The following KCNQ1 variants were observed in gnomAD, a reference collection of about 807,000 sequenced individuals.
KCNQ1 encodes potassium voltage-gated channel subfamily Q member 1.
KCNQ1 carries 49 observed loss-of-function variants against 72.4 expected under a neutral mutation model. The ratio of observed to expected loss-of-function variants is 0.68; its 90% CI spans 0.54 to 0.86. The LOEUF is 0.86. KCNQ1 is among the 40% of genes least tolerant of loss of function. The pLI is 0.00. For synonymous variants in KCNQ1, 450 were observed against 412.6 expected, an observed-to-expected ratio of 1.09 and a Z score of -1.10; for missense variants, 790 against 945.1, an observed-to-expected ratio of 0.84 and a Z score of 2.15.
intron 1 of KCNQ1, among the ~76,000 whole-genome samples, chr11:2,499,784 A>T (rs1047484264): frequency 3.9e-5 from 6 of 152,198 alleles, no homozygotes; most frequent in African/African-American, 7.2e-5. Context: ...TCAAAGAAAC[A>T]TCTAACTTAA....
At chr11:2,555,048 G>T (rs1042317941) in intron 2 of KCNQ1, among the ~76,000 whole-genome samples, 1 of 152,120 alleles carries the variant, frequency 6.6e-6, no homozygotes, top group Non-Finnish European at 1.5e-5. Flanking sequence ...TTTAATAACC[G>T]CAGGCCTTCC....
At position 2,664,090 on chromosome 11, in the gene KCNQ1, G is replaced by T; in HGVS notation, c.1514+2009G>T. On this transcript the variant is annotated intron_variant, in intron 11 of 15. Coordinates refer to ENST00000155840, the MANE Select transcript of KCNQ1 (RefSeq NM_000218.3). The surrounding 1 kb of genome is among the most constrained non-coding windows in gnomAD (Gnocchi z 5.1). ...GATAAGTGGGCCCAGGCAGGTCAGA[G>T]ACTCCAGTCATTACCCAACCAGGTC... 1 of 398,766 alleles carries T rather than the reference G, an allele frequency of 2.5e-6. No individual in the cohort carries two copies. Among genetic ancestry groups the T allele is most frequent in the Non-Finnish European group, 4.4e-6 (1 of 226,164 alleles). 24.7% of individuals were successfully genotyped at this position (398,766 alleles called of 1,614,324 possible).
Position 2,740,486 on chromosome 11 carries a change from C to T in KCNQ1, c.1515-28358C>T, listed in dbSNP as rs117108235. On this transcript the variant is annotated intron_variant, in intron 11 of 15. Coordinates refer to ENST00000155840, the MANE Select transcript of KCNQ1 (RefSeq NM_000218.3). ...ATGCAGCCCCACCCAGAGGACAGCG[C>T]ACGCGGGCTTTGAAGTCCTTCCTGG... 4.7e-4 allele frequency among the ~76,000 whole-genome samples: 71 copies of T among 152,274 alleles called. 2 individuals carry two copies. In the East Asian group the frequency reaches 0.012, roughly 27 times the overall value.
In KCNQ1 at chr11:2,610,716, C is replaced by CTTTTTTTTTTT. The variant is rs1167505141; in HGVS notation, c.1393+21881_1393+21891dup. ...TTCTGGACACAGTATTCTTGGTTGG[C>CTTTTTTTTTTT]TTTTTTTTTTTTTTTTTTTTTTTTT... On this transcript the variant is annotated intron_variant, in intron 10 of 15. Transcript: ENST00000155840. 6.7e-4 allele frequency: 154 copies of CTTTTTTTTTTT among 230,004 alleles called. 3 individuals carry two copies. The highest frequency in any genetic ancestry group is 4.5e-3 in the Admixed American group (43 of 9,498). The allele number at this position is 230,004 out of a possible 1,614,324, so 14.2% of individuals were successfully genotyped here. A position where few individuals can be genotyped will look rare whatever the true frequency, so the allele number is the denominator to read the frequency against.
chr11:2,769,805 C>T lies in KCNQ1; in HGVS notation c.1590+886C>T, dbSNP rs1017604125. Among the ~76,000 whole-genome samples the T allele has an allele frequency of 1.4e-4, 22 of 151,936 alleles. No homozygotes were observed. The highest frequency in any genetic ancestry group is 4.2e-4 in the South Asian group (2 of 4,810). On this transcript the variant is annotated intron_variant, in intron 12 of 15. Transcript: ENST00000155840. This position sits in a 1 kb window ranked among gnomAD's most constrained non-coding sequence, Gnocchi z 4.6. The stretch of plus-strand genomic sequence containing the variant: ...TGAGTGCGTGTCTGCAGGAGCAGGG[C>T]AGGGTGGGGCTTCTGAGCTGGGGGC...
At chr11:2,499,724 G>T (rs1846979493) in intron 1 of KCNQ1, among the ~76,000 whole-genome samples, 1 of 151,990 alleles carries the variant, frequency 6.6e-6, no homozygotes, top group Non-Finnish European at 1.5e-5. Flanking sequence ...GACAAAGAAG[G>T]TCATTACATC....
At position 2,572,955 on chromosome 11, in the gene KCNQ1, G is replaced by A. The variant is rs771647616; in HGVS notation, c.890G>A (p.Gly297Asp). 5 of 1,613,804 alleles carry A rather than the reference G, an allele frequency of 3.1e-6. No homozygotes were observed. Among genetic ancestry groups the A allele is most frequent in the Non-Finnish European group, 4.2e-6 (5 of 1,180,014 alleles). ...AACGAGTCAGGCCGCGTGGAGTTCG[G>A]CAGCTACGCAGATGCGCTGTGGTGG... ...AVNESGRVEF[G>D]SYADALWWGV... The change falls in exon 6 of 16, where the codon GGC becomes GAC. Residue 297 changes from glycine to aspartate, a missense_variant. By Grantham distance (94) the Gly-to-Asp change is moderately conservative. This residue lies in a region of KCNQ1 where 133 missense variants were observed against 219.5 expected (regional missense o/e 0.61). Coordinates refer to ENST00000155840, the MANE Select transcript of KCNQ1 (RefSeq NM_000218.3).
At chr11:2,692,119 T>G (rs1304444842) in intron 11 of KCNQ1, 7 of 398,624 alleles carry the variant, frequency 1.8e-5, no homozygotes, top group Non-Finnish European at 3.1e-5. Flanking sequence ...CATCATTTTA[T>G]AGCCCACTCT....
intron 10 of KCNQ1, among the ~76,000 whole-genome samples, chr11:2,589,220 A>G (rs1293747210): frequency 6.6e-6 from 1 of 152,130 alleles, no homozygotes. Context: ...CTCTGGGCCT[A>G]CTGGCAGGGA....
At chr11:2,742,069 A>C (rs947476687) in intron 11 of KCNQ1, among the ~76,000 whole-genome samples, 12 of 152,242 alleles carry the variant, frequency 7.9e-5, no homozygotes, top group Non-Finnish European at 1.6e-4. Flanking sequence ...GTGCTGCGAC[A>C]TGGTTAGGTT....
chr11:2,475,218 T>A lies in KCNQ1; in HGVS notation c.386+29734T>A, dbSNP rs1361574053. On this transcript the variant is annotated intron_variant, in intron 1 of 15. Transcript: ENST00000155840. The surrounding 1 kb of genome is among the most constrained non-coding windows in gnomAD (Gnocchi z 5.8). ...GGATTTAGCTATTCTGGATGTTTCA[T>A]GTGCCTGAAATCATGGCAAACGTGG... 6.6e-6 allele frequency among the ~76,000 whole-genome samples: 1 copy of A among 152,172 alleles called. No individual in the cohort carries two copies. Among genetic ancestry groups the A allele is most frequent in the Non-Finnish European group, 1.5e-5 (1 of 68,036 alleles).
intron 11 of KCNQ1, among the ~76,000 whole-genome samples, chr11:2,722,429 C>T (rs1845685397): frequency 2.6e-5 from 4 of 152,148 alleles, no homozygotes. Flanking sequence ...CCAGAGACTG[C>T]AGCATTCAGA....
intron 11 of KCNQ1, among the ~76,000 whole-genome samples, chr11:2,741,712 G>A (rs1019489798): frequency 6.6e-6 from 1 of 152,236 alleles, no homozygotes; most frequent in Non-Finnish European, 1.5e-5. Context: ...GCAGGCTGAG[G>A]AAGCTGTGCT....
At chr11:2,527,379 G>A (rs934477842) in intron 1 of KCNQ1, among the ~76,000 whole-genome samples, 1 of 152,218 alleles carries the variant, frequency 6.6e-6, no homozygotes, top group Admixed American at 6.5e-5. Context: ...TGGACAGGGG[G>A]CGTTGACTGC....
rs1848240892 is a variant in KCNQ1 at position 2,565,948 on chromosome 11, A to G, written c.478-4680A>G. ...TGCACCCGCCTTGGGGCCATCTGACACCCACACCCTCCCTCCAGGCCAGAC... is the reference window on the plus strand; with the variant it reads ...TGCACCCGCCTTGGGGCCATCTGACGCCCACACCCTCCCTCCAGGCCAGAC... On this transcript the variant is annotated intron_variant, in intron 2 of 15. Coordinates refer to ENST00000155840, the MANE Select transcript of KCNQ1 (RefSeq NM_000218.3). This position sits in a 1 kb window ranked among gnomAD's most constrained non-coding sequence, Gnocchi z 5.6. Among the ~76,000 whole-genome samples the G allele has an allele frequency of 6.6e-6, 1 of 151,754 alleles. No homozygotes were observed. Among genetic ancestry groups the G allele is most frequent in the African/African-American group, 2.4e-5 (1 of 41,272 alleles).
In KCNQ1 at chr11:2,809,667, G is replaced by A. The variant is rs1234069279; in HGVS notation, c.1794+31630G>A. Among the ~76,000 whole-genome samples the A allele has an allele frequency of 6.6e-6, 1 of 152,162 alleles. No homozygotes were observed. The highest frequency in any genetic ancestry group is 1.5e-5 in the Non-Finnish European group (1 of 68,032). ...CCAGAGGGCCCCACGGCTCATGCCT[G>A]CTTCCCTGCTATCCTCCTGTGCACT... On this transcript the variant is annotated intron_variant, in intron 15 of 15. Coordinates refer to ENST00000155840, the MANE Select transcript of KCNQ1 (RefSeq NM_000218.3). This position sits in a 1 kb window ranked among gnomAD's most constrained non-coding sequence, Gnocchi z 7.1.
At chr11:2,503,213 A>C (rs559336495) in intron 1 of KCNQ1, among the ~76,000 whole-genome samples, 71 of 152,348 alleles carry the variant, frequency 4.7e-4, no homozygotes, top group African/African-American at 1.7e-3. Context: ...GCTTCTGCAC[A>C]GCAAAGGAAA....
chr11:2,461,055 G>A (rs968673298), intron 1 of KCNQ1, among the ~76,000 whole-genome samples: 9 of 152,192 alleles, frequency 5.9e-5, no homozygotes, highest in Non-Finnish European at 1.2e-4. Flanking sequence ...CAGGAGTGGC[G>A]ATCTGTGAGC....
rs558572240 is a variant in KCNQ1 at position 2,515,274 on chromosome 11, C to T, written c.387-12654C>T. Among the ~76,000 whole-genome samples, 7 of 152,276 alleles carry T rather than the reference C, an allele frequency of 4.6e-5. No individual in the cohort carries two copies. The highest frequency in any genetic ancestry group is 2.0e-4 in the Admixed American group (3 of 15,308). On this transcript the variant is annotated intron_variant, in intron 1 of 15. Coordinates refer to ENST00000155840, the MANE Select transcript of KCNQ1 (RefSeq NM_000218.3). This position sits in a 1 kb window ranked among gnomAD's most constrained non-coding sequence, Gnocchi z 4.7. ...CTTCCACTCATGAGTGAGAACGTGC[C>T]GTGTTTGGTTTTCTGTTTCCGGTAG... is the stretch of plus-strand genomic sequence containing the variant.
Sources: allele counts gnomAD v4.1 joint callset (sites outside exome capture counted in the v4.1 genomes callset), GRCh38; gene constraint gnomAD v4.1.1; regional missense constraint gnomAD v4.1.1; non-coding constraint Gnocchi (gnomAD v3.1); transcripts MANE v1.5; gene names NCBI Gene and HGNC (gene_info 2026-07-23, HGNC 2026-07-21).